PRMT9: variants seen among roughly 807,000 people sequenced by gnomAD.
The protein encoded by PRMT9 is protein arginine methyltransferase 9, also known as protein arginine N-methyltransferase 9.
PRMT9 carries 59 observed loss-of-function variants against 83.2 expected under a neutral mutation model. The observed-to-expected ratio is 0.71, with a 90% CI of 0.57 to 0.88. PRMT9 has a LOEUF of 0.88. Among genes scored for constraint, PRMT9 ranks in the 40% least tolerant of loss-of-function variants. PRMT9 has a pLI of 0.00. For missense variants in PRMT9, 947 were observed against 1,021.9 expected (o/e 0.93, Z 1.00); for synonymous variants, 333 against 353.2 (o/e 0.94, Z 0.64).
intron 9 of PRMT9, among the ~76,000 whole-genome samples, chr4:147,643,989 T>A (rs1437682388): frequency 6.6e-6 from 1 of 152,202 alleles, no homozygotes; most frequent in Non-Finnish European, 1.5e-5. Context: ...TATATGATCC[T>A]GGATTGGATT....
At chr4:147,682,317 T>C (rs1352983165) in intron 1 of PRMT9, among the ~76,000 whole-genome samples, 5 of 151,886 alleles carry the variant, frequency 3.3e-5, no homozygotes, top group African/African-American at 1.2e-4. Context: ...GTAGCTGTGA[T>C]TACAGGCATG....
intron 6 of PRMT9, 72 bp downstream of exon 6, chr4:147,668,467 C>G: frequency 1.1e-6 from 1 of 934,982 alleles, no homozygotes; most frequent in Non-Finnish European, 1.7e-6. Flanking sequence ...TCATTTAAAC[C>G]TCTTTCCTTT....
At chr4:147,658,255 G>A (rs1320890529) in intron 7 of PRMT9, among the ~76,000 whole-genome samples, 1 of 151,874 alleles carries the variant, frequency 6.6e-6, no homozygotes, top group Non-Finnish European at 1.5e-5. Context: ...AAGGTTAAGT[G>A]ACAAAGCAGT....
intron 5 of PRMT9, among the ~76,000 whole-genome samples, chr4:147,670,254 ACTG>A (rs1735639550): frequency 6.6e-6 from 1 of 152,204 alleles, no homozygotes; most frequent in Admixed American, 6.5e-5. Context: ...ACCTCAACTC[ACTG>A]CAACCTCCAC....
intron 11 of PRMT9, 36 bp from the exon 12 acceptor site, chr4:147,638,783 G>T: frequency 6.7e-7 from 1 of 1,485,278 alleles, no homozygotes; most frequent in Non-Finnish European, 9.3e-7. Flanking sequence ...ATATCAGAGT[G>T]CATAGAGTAG....
At chr4:147,671,740 G>C in intron 4 of PRMT9, 1 of 414,450 alleles carries the variant, frequency 2.4e-6, no homozygotes, top group Non-Finnish European at 4.7e-6. Flanking sequence ...GTCTAATCTG[G>C]AATCCATAGC....
At chr4:147,669,215 C>T (rs918318258) in intron 5 of PRMT9, among the ~76,000 whole-genome samples, 2 of 144,716 alleles carry the variant, frequency 1.4e-5, no homozygotes, top group Non-Finnish European at 3.0e-5. Context: ...ATAGCAAGAC[C>T]CTGTCTCTAC....
At chr4:147,643,913 G>C (rs1236421029) in intron 9 of PRMT9, among the ~76,000 whole-genome samples, 5 of 152,194 alleles carry the variant, frequency 3.3e-5, no homozygotes, top group Non-Finnish European at 5.9e-5. Flanking sequence ...GATCGCTTGA[G>C]CCCAGGAGGT....
At chr4:147,681,102 C>G (rs756855839) in intron 1 of PRMT9, among the ~76,000 whole-genome samples, 5 of 152,216 alleles carry the variant, frequency 3.3e-5, no homozygotes, top group Non-Finnish European at 7.3e-5. Flanking sequence ...CTGAACTCAT[C>G]ATACTCCTCT....
chr4:147,644,836 A>G (rs191103378), intron 9 of PRMT9, among the ~76,000 whole-genome samples: 1 of 152,340 alleles, frequency 6.6e-6, no homozygotes, highest in Non-Finnish European at 1.5e-5. Context: ...TGGGTGGGCC[A>G]CCTACTGACA....
intron 8 of PRMT9, among the ~76,000 whole-genome samples, chr4:147,656,050 GT>G: frequency 6.6e-6 from 1 of 152,174 alleles, no homozygotes; most frequent in Middle Eastern, 3.4e-3. Flanking sequence ...GTATCATCCC[GT>G]TTTTATATAT....
At chr4:147,681,934 G>C (rs1312047021) in intron 1 of PRMT9, among the ~76,000 whole-genome samples, 2 of 152,300 alleles carry the variant, frequency 1.3e-5, no homozygotes, top group South Asian at 4.1e-4. Context: ...CACAGACTTT[G>C]TTCGGCAGGA....
chr4:147,665,819 C>T (rs1189789774), intron 6 of PRMT9, among the ~76,000 whole-genome samples: 43 of 152,170 alleles, frequency 2.8e-4, no homozygotes, highest in Non-Finnish European at 1.5e-5. Context: ...GTGACTGTTA[C>T]ATCATAATTT....
intron 8 of PRMT9, 93 bp downstream of exon 8, chr4:147,657,699 C>T (rs1734612019): frequency 2.1e-6 from 2 of 935,596 alleles, no homozygotes; most frequent in South Asian, 1.5e-5. Flanking sequence ...TTGACTGAAA[C>T]CTTCATATCC....
intron 5 of PRMT9, among the ~76,000 whole-genome samples, chr4:147,669,447 T>C (rs1317738987): frequency 6.6e-6 from 1 of 151,722 alleles, no homozygotes; most frequent in Non-Finnish European, 1.5e-5. Context: ...ACAATACAAA[T>C]GCAAAGGATA....
chr4:147,683,769 T>A, intron 1 of PRMT9, 30 bp downstream of exon 1: 2 of 1,361,252 alleles, frequency 1.5e-6, no homozygotes, highest in Non-Finnish European at 2.0e-6. Flanking sequence ...ACGTTGGATC[T>A]GCCAGCAAGT....
chr4:147,655,418 C>CATTGGAAGGCTGAGA (rs1364249718), intron 8 of PRMT9, among the ~76,000 whole-genome samples: 3 of 152,184 alleles, frequency 2.0e-5, no homozygotes, highest in African/African-American at 7.2e-5. Flanking sequence ...TTGCCTCAGC[C>CATTGGAAGGCTGAGA]TTCCAATGTG....
At chr4:147,659,688 C>T (rs574236223) in intron 7 of PRMT9, among the ~76,000 whole-genome samples, 11 of 150,604 alleles carry the variant, frequency 7.3e-5, no homozygotes, top group Non-Finnish European at 1.5e-4. Flanking sequence ...AGCAATTCTC[C>T]TATCTCAGCC....
chr4:147,682,173 TTTTTTA>T (rs916669145), intron 1 of PRMT9, among the ~76,000 whole-genome samples: 13 of 151,948 alleles, frequency 8.6e-5, no homozygotes, highest in African/African-American at 3.1e-4. Flanking sequence ...GCCCAGCTAA[TTTTTTA>T]TTTTTATTTT....
Sources: gnomAD v4.1 joint callset for allele counts (sites outside exome capture counted in the v4.1 genomes callset) on GRCh38, gnomAD v4.1.1 for gene constraint, MANE v1.5 for transcripts, NCBI Gene and HGNC (gene_info 2026-07-23, HGNC 2026-07-21) for gene names.